Variants in ZNF518B observed in about 807,000 individuals in gnomAD.
ZNF518B encodes the protein zinc finger protein 518B.
A neutral mutation model predicts 56.3 loss-of-function variants in ZNF518B; 23 were observed. The ratio of observed to expected loss-of-function variants is 0.41; its 90% CI spans 0.29 to 0.58. ZNF518B has a LOEUF of 0.58. Ranked by LOEUF, ZNF518B falls within the 20% of genes least tolerant of loss-of-function variation. The probability of loss-of-function intolerance (pLI) is 0.32; values close to 1 mark genes in which losing one functional copy is unlikely to be tolerated. For missense variants in ZNF518B, 1,460 were observed against 1,272.1 expected, an observed-to-expected ratio of 1.15 and a Z score of -2.25; for synonymous variants, 529 against 465.9, an observed-to-expected ratio of 1.14 and a Z score of -1.74.
At chr4:10,458,724 G>A (rs887178757), upstream of ZNF518B, among the ~76,000 whole-genome samples, 1 of 152,204 alleles carries the variant, frequency 6.6e-6, no homozygotes, top group Admixed American at 6.5e-5. Flanking sequence ...GCACCTATCA[G>A]AGAGAATATG....
chr4:10,451,711 G>A (rs1435616154), intron 2 of ZNF518B: 2 of 152,114 alleles, frequency 1.3e-5, no homozygotes, highest in African/African-American at 4.8e-5. Context: ...ATTTACCTCT[G>A]TGGCAAAACC....
chr4:10,449,021 G>A (rs1019091902), intron 2 of ZNF518B, among the ~76,000 whole-genome samples: 1 of 152,064 alleles, frequency 6.6e-6, no homozygotes, highest in Non-Finnish European at 1.5e-5. Flanking sequence ...GCTGATCCTC[G>A]AAATCACACA....
upstream of ZNF518B, among the ~76,000 whole-genome samples, chr4:10,459,975 G>A (rs1715691052): frequency 6.6e-6 from 1 of 152,040 alleles, no homozygotes; most frequent in Non-Finnish European, 1.5e-5. Context: ...TAAGATTTGG[G>A]AGCCAACGTT....
chr4:10,445,764 G>C lies in ZNF518B; in HGVS notation c.565C>G (p.Pro189Ala). The C allele has an allele frequency of 6.2e-7, 1 of 1,614,170 alleles. No homozygotes were observed. Among genetic ancestry groups the C allele is most frequent in the Non-Finnish European group, 8.5e-7 (1 of 1,180,014 alleles). The change falls in exon 3 of 3, where the codon CCT becomes GCT. Residue 189 changes from proline (P) to alanine (A), a missense_variant. Coordinates refer to ENST00000326756, the MANE Select transcript of ZNF518B (RefSeq NM_053042.3). ...TAGTCACAATACTCACACTGATAAGGAAATATGCCTGTGTGTTTCACCAAA... is the reference window on the plus strand; with the variant it reads ...TAGTCACAATACTCACACTGATAAGCAAATATGCCTGTGTGTTTCACCAAA... ...RHLVKHTGIF[P>A]YQCEYCDYGA...
chr4:10,454,589 G>C (rs1715453988), intron 2 of ZNF518B: 1 of 152,204 alleles, frequency 6.6e-6, no homozygotes, highest in Admixed American at 6.5e-5. Context: ...AGGTTCCTAT[G>C]TTACCTCGAA....
rs773658679 is a variant in ZNF518B, at chr4:10,444,593, T to C, written c.1736A>G (p.Glu579Gly). Residue 579 changes from glutamate (E) to glycine (G), a missense_variant, in exon 3 of 3, where the codon GAA becomes GGA. Physicochemically the swap from Glu to Gly is moderately conservative, Grantham distance 98. Transcript: ENST00000326756. Reference protein sequence around the residue: ...NRKQEDNQTEEHKAVSTVGQI... With the variant: ...NRKQEDNQTEGHKAVSTVGQI... ...GCCTACAGTTGAAACTGCCTTGTGT[T>C]CCTCTGTCTGGTTATCTTCCTGCTT... 2 of 1,613,938 alleles carry C rather than the reference T, an allele frequency of 1.2e-6. No homozygotes were observed. Among genetic ancestry groups the C allele is most frequent in the South Asian group, 2.2e-5 (2 of 91,086 alleles).
chr4:10,461,195 C>G (rs1181275848), upstream of ZNF518B, among the ~76,000 whole-genome samples: 1 of 152,272 alleles, frequency 6.6e-6, no homozygotes, highest in East Asian at 1.9e-4. Context: ...ACAGGAGTAA[C>G]TGGAGCAACC....
chr4:10,445,772 C>A lies in ZNF518B; in HGVS notation c.557G>T (p.Gly186Val), dbSNP rs779902301. 1.2e-6 allele frequency: 2 copies of A among 1,614,180 alleles called. No individual in the cohort carries two copies. The highest frequency in any genetic ancestry group is 4.5e-5 in the East Asian group (2 of 44,884). The change falls in exon 3 of 3, where the codon GGC becomes GTC. Residue 186 changes from glycine (G) to valine (V), a missense_variant. Physicochemically the swap from Gly to Val is moderately radical, Grantham distance 109. Transcript: ENST00000326756. ...ATACTCACACTGATAAGGAAATATG[C>A]CTGTGTGTTTCACCAAATGCCTCTG... ...EFQRHLVKHTGIFPYQCEYCD... is the reference protein window; with the variant it reads ...EFQRHLVKHTVIFPYQCEYCD...
chr4:10,452,258 G>C (rs537956659), intron 2 of ZNF518B: 37 of 152,108 alleles, frequency 2.4e-4, no homozygotes, highest in African/African-American at 7.7e-4. Flanking sequence ...ATTTTTCTCT[G>C]TGCATTGCCA....
In ZNF518B at chr4:10,445,800, A is replaced by G. The variant is rs748063568; in HGVS notation, c.529T>C (p.Phe177Leu). 2.5e-6 allele frequency: 4 copies of G among 1,613,958 alleles called. No individual in the cohort carries two copies. In the Admixed American group the frequency reaches 5.0e-5, roughly 20 times the overall value. Residue 177 changes from phenylalanine to leucine, a missense_variant, in exon 3 of 3, where the codon TTT (phenylalanine) becomes CTT (leucine). By Grantham distance (22) the Phe-to-Leu change is conservative. Transcript: ENST00000326756. ...GTGTGTTTCACCAAATGCCTCTGAA[A>G]CTCTCCTTTCGTATACGAAATGTAG... is the stretch of plus-strand genomic sequence containing the variant. ...CSYISYTKGE[F>L]QRHLVKHTGI...
chr4:10,456,111 A>C (rs1156562777), intron 1 of ZNF518B, among the ~76,000 whole-genome samples: 1 of 152,188 alleles, frequency 6.6e-6, no homozygotes, highest in Non-Finnish European at 1.5e-5. Context: ...GTCTAAACTT[A>C]AGATGGTTTA....
chr4:10,457,219 G>A (rs1194725039), intron 1 of ZNF518B, 98 bp downstream of exon 1: 7 of 150,132 alleles, frequency 4.7e-5, no homozygotes, highest in African/African-American at 1.7e-4. Context: ...GCCCCGTCAG[G>A]CCCCCGCCCC....
chr4:10,455,083 T>C (rs1180309089), intron 1 of ZNF518B, 95 bp from the exon 2 acceptor site: 1 of 152,200 alleles, frequency 6.6e-6, no homozygotes, highest in Non-Finnish European at 1.5e-5. Context: ...GCCCCAGAAG[T>C]GGTTCTCAAG....
At chr4:10,456,577 C>T (rs1054247109) in intron 1 of ZNF518B, among the ~76,000 whole-genome samples, 1 of 152,172 alleles carries the variant, frequency 6.6e-6, no homozygotes, top group Admixed American at 6.5e-5. Flanking sequence ...AAAGACAATG[C>T]CAGGCTGGTT....
chr4:10,442,673 A>C lies in ZNF518B; in HGVS notation c.*431T>G. On this transcript the variant is annotated 3_prime_UTR_variant, in exon 3 of 3. Transcript: ENST00000326756. ...CACCAAATACTCAGAACACAAATTA[A>C]AGCAAAAACAAAATGGATGTGCACA... 6.2e-6 allele frequency: 1 copy of C among 160,628 alleles called. No homozygotes were observed. Among genetic ancestry groups the C allele is most frequent in the Non-Finnish European group, 1.4e-5 (1 of 72,612 alleles). 10.0% of individuals were successfully genotyped at this position (160,628 alleles called of 1,614,324 possible). A position where few individuals can be genotyped will look rare whatever the true frequency, so the allele number is the denominator to read the frequency against.
In ZNF518B at chr4:10,443,558, C is replaced by G. The variant is rs778690169; in HGVS notation, c.2771G>C (p.Arg924Thr). The G allele has an allele frequency of 6.2e-7, 1 of 1,614,204 alleles. No homozygotes were observed. The highest frequency in any genetic ancestry group is 8.5e-7 in the Non-Finnish European group (1 of 1,180,034). Residue 924 changes from arginine (R) to threonine (T), a missense_variant, in exon 3 of 3, where the codon AGA (arginine) becomes ACA (threonine). Physicochemically the swap from Arg to Thr is moderately conservative, Grantham distance 71. Coordinates refer to ENST00000326756, the MANE Select transcript of ZNF518B (RefSeq NM_053042.3). Reference sequence around the variant, plus strand: ...CTGATCTGGCTTAGCTGCTATCAGTCTTAGTTGCCTTGCAACCTGAAAAAT... The same window carrying G: ...CTGATCTGGCTTAGCTGCTATCAGTGTTAGTTGCCTTGCAACCTGAAAAAT... ...PSIFQVARQLRLIAAKPDQLI... is the reference protein window; with the variant it reads ...PSIFQVARQLTLIAAKPDQLI...
chr4:10,443,164 G>T lies in ZNF518B; in HGVS notation c.3165C>A (p.Gly1055=), dbSNP rs1220593787. Residue 1055 remains glycine, a synonymous_variant, in exon 3 of 3, where the codon GGC becomes GGA. Coordinates refer to ENST00000326756, the MANE Select transcript of ZNF518B (RefSeq NM_053042.3). ...TAGTTGCTTCTATCAAATGCCGTTG[G>T]CCATGACTCATCCACTCTTCCTGGT... ...YEDQEEWMSH[G]QRHLIEATRD... 1.2e-6 allele frequency: 2 copies of T among 1,614,202 alleles called. No homozygotes were observed. The highest frequency in any genetic ancestry group is 1.7e-6 in the Non-Finnish European group (2 of 1,180,036).
Position 10,444,853 on chromosome 4 carries a change from G to A in ZNF518B, c.1476C>T (p.Asn492=). Residue 492 remains asparagine, a synonymous_variant, in exon 3 of 3, where the codon AAC becomes AAT. Transcript: ENST00000326756. ...KGHSLASVFK[N]SVLRSLGAAS... is the part of the protein sequence containing the mutation. ...CAGCTCCAAGACTACGTAAAACACT[G>A]TTTTTAAATACAGATGCTAGAGAAT... 6.2e-7 allele frequency: 1 copy of A among 1,613,978 alleles called. No homozygotes were observed. Among genetic ancestry groups the A allele is most frequent in the Non-Finnish European group, 8.5e-7 (1 of 1,179,946 alleles).
At chr4:10,460,325 C>CAAAAGA (rs1715707628), upstream of ZNF518B, among the ~76,000 whole-genome samples, 1 of 57,588 alleles carries the variant, frequency 1.7e-5, no homozygotes, top group East Asian at 7.5e-4. Flanking sequence ...AAAAAAAAAC[C>CAAAAGA]AAAAAAAAAA....
Sources: gnomAD v4.1 joint callset for allele counts (sites outside exome capture counted in the v4.1 genomes callset) on GRCh38, gnomAD v4.1.1 for gene constraint, MANE v1.5 for transcripts, NCBI Gene and HGNC (gene_info 2026-07-23, HGNC 2026-07-21) for gene names.